The following MED15 variants were observed in gnomAD, a reference collection of about 807,000 sequenced individuals.
MED15 encodes the protein mediator of RNA polymerase II transcription subunit 15.
MED15 carries 41 observed loss-of-function variants against 118.7 expected under a neutral mutation model. The observed-to-expected ratio is 0.35, with a 90% CI of 0.27 to 0.45. MED15 has a LOEUF of 0.45. Among genes scored for constraint, MED15 ranks in the 20% least tolerant of loss-of-function variants. The pLI is 1.00. For missense variants in MED15, 740 were observed against 1,025.5 expected (o/e 0.72, Z 3.80); for synonymous variants, 436 against 413.9 (o/e 1.05, Z -0.65).
chr22:20,554,828 T>G (rs2055924852), intron 4 of MED15, 108 bp from the exon 5 acceptor site: 18 of 1,098,426 alleles, frequency 1.6e-5, no homozygotes, highest in African/African-American at 3.1e-5. Flanking sequence ...GTGAGGGGAT[T>G]GAGCCTGTAG....
intron 2 of MED15, among the ~76,000 whole-genome samples, chr22:20,545,701 G>C (rs910723562): frequency 6.6e-6 from 1 of 152,062 alleles, no homozygotes; most frequent in Non-Finnish European, 1.5e-5. Flanking sequence ...CCTTGGGTGG[G>C]GGGCACTGCT....
In MED15 at chr22:20,587,498, GC is replaced by G. The variant is rs1569260334; in HGVS notation, c.*796del. 2 of 248,590 alleles carry G rather than the reference GC, an allele frequency of 8.0e-6. No homozygotes were observed. The highest frequency in any genetic ancestry group is 1.7e-4 in the East Asian group (2 of 11,654). The allele number at this position is 248,590 out of a possible 1,614,324, so 15.4% of individuals were successfully genotyped here. On this transcript the variant is annotated 3_prime_UTR_variant, in exon 18 of 18. Coordinates refer to ENST00000263205, the MANE Select transcript of MED15 (RefSeq NM_001003891.3). ...CAGCGGGCCGGGCCATGCAGGGAGCGCCTCCCTATGTTGCCTGCCACTCTGG... is the reference window on the plus strand; with the variant it reads ...CAGCGGGCCGGGCCATGCAGGGAGCGCTCCCTATGTTGCCTGCCACTCTGG...
At chr22:20,539,537 C>T (rs2146457271) in intron 2 of MED15, among the ~76,000 whole-genome samples, 1 of 152,260 alleles carries the variant, frequency 6.6e-6, no homozygotes, top group East Asian at 1.9e-4. Context: ...GTAAGCAGAA[C>T]AATAGTTAAT....
intron 3 of MED15, chr22:20,552,564 A>G (rs1302568665): frequency 4.4e-6 from 2 of 456,802 alleles, no homozygotes; most frequent in Admixed American, 2.6e-5. Flanking sequence ...TGGTGCACAC[A>G]GTCCTGTGGG....
chr22:20,564,748 C>T (rs935048759), intron 6 of MED15, 60 bp downstream of exon 6: 38 of 1,604,672 alleles, frequency 2.4e-5, no homozygotes, highest in Non-Finnish European at 3.0e-5. Context: ...CCTGGGCTGG[C>T]ATCAGCCACA....
chr22:20,564,357 T>C (rs1300553020), intron 5 of MED15, 93 bp from the exon 6 acceptor site: 1 of 1,551,326 alleles, frequency 6.4e-7, no homozygotes, highest in Non-Finnish European at 8.7e-7. Context: ...GCAGTGGGGC[T>C]TTTGCTGGCT....
intron 2 of MED15, among the ~76,000 whole-genome samples, chr22:20,548,652 C>T (rs981807531): frequency 1.3e-5 from 2 of 152,110 alleles, no homozygotes; most frequent in Non-Finnish European, 2.9e-5. Context: ...TGTGTGTTTA[C>T]GTTCCACAGG....
intron 5 of MED15, among the ~76,000 whole-genome samples, chr22:20,561,497 CGACA>C (rs1286624301): frequency 6.7e-6 from 1 of 148,960 alleles, no homozygotes; most frequent in African/African-American, 2.5e-5. Context: ...TCCAGTCTGG[CGACA>C]GAGTGAGATT....
chr22:20,521,236 A>G (rs1047505193), intron 1 of MED15, among the ~76,000 whole-genome samples: 1 of 150,376 alleles, frequency 6.6e-6, no homozygotes, highest in African/African-American at 2.5e-5. Flanking sequence ...AGCTGGGATT[A>G]CAGGCACGTA....
At chr22:20,509,112 G>A (rs1030693755) in intron 1 of MED15, among the ~76,000 whole-genome samples, 1 of 152,084 alleles carries the variant, frequency 6.6e-6, no homozygotes, top group African/African-American at 2.4e-5. Context: ...CATTTACTGC[G>A]TGGAGGGAGG....
At position 20,586,591 on chromosome 22, in the gene MED15, G is replaced by C; in HGVS notation, c.2254G>C (p.Val752Leu). The change falls in exon 18 of 18, where the codon GTG becomes CTG. Residue 752 changes from valine to leucine, a missense_variant. Val to Leu is a conservative substitution (Grantham distance 32, BLOSUM62 1). Around this residue, in one of 7 missense-constraint regions of MED15, gnomAD observed 179 missense variants for 259.0 expected, o/e 0.69. Transcript: ENST00000263205. ...QYDANPFLQS[V>L]HRCMTSRLLQ... The stretch of plus-strand genomic sequence containing the variant: ...AGACGCCAACCCCTTCCTCCAGTCG[G>C]TGCACCGCTGCATGACCTCCAGGCT... The C allele has an allele frequency of 6.2e-7, 1 of 1,612,916 alleles. No homozygotes were observed. Among genetic ancestry groups the C allele is most frequent in the Non-Finnish European group, 8.5e-7 (1 of 1,179,940 alleles).
At chr22:20,535,588 C>T (rs574652833) in intron 1 of MED15, among the ~76,000 whole-genome samples, 4 of 149,126 alleles carry the variant, frequency 2.7e-5, no homozygotes, top group African/African-American at 9.9e-5. Flanking sequence ...GAGACGGAGT[C>T]TCGCACTGTT....
intron 1 of MED15, chr22:20,524,228 G>C (rs2054555559): frequency 6.6e-6 from 1 of 152,186 alleles, no homozygotes; most frequent in African/African-American, 2.4e-5. Flanking sequence ...ATTGATGACT[G>C]AACAATCGGT....
At chr22:20,525,302 G>A (rs2054593638) in intron 1 of MED15, among the ~76,000 whole-genome samples, 1 of 150,204 alleles carries the variant, frequency 6.7e-6, no homozygotes, top group South Asian at 2.1e-4. Flanking sequence ...CAAAAGAAAG[G>A]TGAACATGAG....
intron 1 of MED15, among the ~76,000 whole-genome samples, chr22:20,530,324 A>T (rs1025304146): frequency 3.3e-5 from 5 of 152,162 alleles, no homozygotes; most frequent in African/African-American, 1.2e-4. Context: ...CTTGATTGAT[A>T]GATGTTGTGT....
At chr22:20,514,158 G>A (rs187104646) in intron 1 of MED15, among the ~76,000 whole-genome samples, 1 of 152,144 alleles carries the variant, frequency 6.6e-6, no homozygotes, top group Non-Finnish European at 1.5e-5. Flanking sequence ...GAGCCACCGT[G>A]CTTGCCTTTG....
chr22:20,522,505 G>A (rs549704630), intron 1 of MED15, among the ~76,000 whole-genome samples: 2 of 152,206 alleles, frequency 1.3e-5, no homozygotes, highest in African/African-American at 2.4e-5. Flanking sequence ...AGCTCATAAG[G>A]AAATAAGTGG....
chr22:20,563,982 G>A (rs1339441994), intron 5 of MED15, among the ~76,000 whole-genome samples: 3 of 152,194 alleles, frequency 2.0e-5, no homozygotes. Flanking sequence ...GTTCATCACA[G>A]GAAATCGGTG....
intron 1 of MED15, among the ~76,000 whole-genome samples, chr22:20,533,491 G>C (rs1220142404): frequency 3.9e-5 from 6 of 152,224 alleles, no homozygotes; most frequent in Non-Finnish European, 8.8e-5. Flanking sequence ...AACCTGCTGG[G>C]CCTCCCTGGG....
Sources: allele counts gnomAD v4.1 joint callset (sites outside exome capture counted in the v4.1 genomes callset), GRCh38; gene constraint gnomAD v4.1.1; regional missense constraint gnomAD v4.1.1; transcripts MANE v1.5; gene names NCBI Gene and HGNC (gene_info 2026-07-23, HGNC 2026-07-21).